The following LRP1 variants were observed in gnomAD, a reference collection of about 807,000 sequenced individuals.
LRP1 encodes prolow-density lipoprotein receptor-related protein 1.
In LRP1, 51 loss-of-function variants were observed where a neutral mutation model predicts 541.5. The ratio of observed to expected loss-of-function variants is 0.09; its 90% CI spans 0.08 to 0.12. LRP1 has a LOEUF of 0.12. Among genes scored for constraint, LRP1 ranks in the 10% least tolerant of loss-of-function variants. The pLI, the probability that LRP1 is intolerant of heterozygous loss-of-function variation, is 1.00. For synonymous variants in LRP1, 2,219 were observed against 2,470.8 expected, an observed-to-expected ratio of 0.90 and a Z score of 3.02; for missense variants, 3,878 against 6,376.2, an observed-to-expected ratio of 0.61 and a Z score of 13.34.
chr12:57,187,754 G>A (rs529176035), intron 42 of LRP1, among the ~76,000 whole-genome samples: 39 of 152,342 alleles, frequency 2.6e-4, no homozygotes, highest in Admixed American at 2.4e-3. Context: ...GAGGCACAGG[G>A]TAGGGCCTCT....
intron 13 of LRP1, 126 bp downstream of exon 13, chr12:57,161,241 G>T (rs954240014): frequency 5.0e-6 from 4 of 802,904 alleles, no homozygotes; most frequent in African/African-American, 3.4e-5. Context: ...CTCTATAGAT[G>T]TGTGCATCTA....
At chr12:57,176,182 A>C in intron 24 of LRP1, 76 bp downstream of exon 24, 1 of 1,467,382 alleles carries the variant, frequency 6.8e-7, no homozygotes. Flanking sequence ...GTCCCATCCA[A>C]GTGGCCCCAA....
chr12:57,198,437 C>G, intron 59 of LRP1, 28 bp from the exon 60 acceptor site: 1 of 1,611,170 alleles, frequency 6.2e-7, no homozygotes, highest in Non-Finnish European at 8.5e-7. Context: ...ACGGGATCTC[C>G]CAGGGCTCAC....
At position 57,145,428 on chromosome 12, in the gene LRP1, G is replaced by T. The variant is rs757759198; in HGVS notation, c.779G>T (p.Arg260Leu). 1.9e-6 allele frequency: 3 copies of T among 1,614,088 alleles called. No homozygotes were observed. The highest frequency in any genetic ancestry group is 2.2e-5 in the East Asian group (1 of 44,882). ...GCTCAGACGCAGCTCAAGTGTGCCC[G>T]CATGCCTGGCCTAAAGGGCTTCGTG... ...SAAQTQLKCARMPGLKGFVDE... is the reference protein window; with the variant it reads ...SAAQTQLKCALMPGLKGFVDE... Residue 260 changes from arginine to leucine, a missense_variant, in exon 6 of 89, where the codon CGC becomes CTC. Physicochemically the swap from Arg to Leu is moderately radical, Grantham distance 102. This residue lies in a region of LRP1 where 293 missense variants were observed against 403.7 expected (regional missense o/e 0.73). Coordinates refer to ENST00000243077, the MANE Select transcript of LRP1 (RefSeq NM_002332.3).
At chr12:57,163,851 C>T (rs1406006420) in intron 15 of LRP1, among the ~76,000 whole-genome samples, 1 of 151,988 alleles carries the variant, frequency 6.6e-6, no homozygotes, top group Admixed American at 6.6e-5. Context: ...GTTTTTTATT[C>T]AAAATGGGTT....
rs759213097 is a variant in LRP1 at position 57,199,292 on chromosome 12, T to G, written c.9757T>G (p.Ser3253Ala). The G allele has an allele frequency of 1.9e-6, 3 of 1,613,670 alleles. No individual in the cohort carries two copies. The African/African-American group carries it at 4.0e-5, about 22-fold the overall frequency. Residue 3253 changes from serine (S) to alanine (A), a missense_variant, in exon 61 of 89, where the codon TCC (serine) becomes GCC (alanine). Ser to Ala is a moderately conservative substitution (Grantham distance 99, BLOSUM62 1). Coordinates refer to ENST00000243077, the MANE Select transcript of LRP1 (RefSeq NM_002332.3). ...YVYWTDWETKSINRAHKTTGT... is the reference protein window; with the variant it reads ...YVYWTDWETKAINRAHKTTGT... The stretch of plus-strand genomic sequence containing the variant: ...CTACTGGACCGACTGGGAAACAAAG[T>G]CCATTAACCGAGCCCACAAGACCAC...
intron 6 of LRP1, chr12:57,148,858 TG>T: frequency 2.1e-6 from 1 of 480,652 alleles, no homozygotes; most frequent in African/African-American, 2.0e-5. Context: ...AGGAGGTGGC[TG>T]GGGAGCTCAG....
At chr12:57,166,823 T>C in intron 17 of LRP1, 107 bp from the exon 18 acceptor site, 1 of 712,196 alleles carries the variant, frequency 1.4e-6, no homozygotes, top group Non-Finnish European at 2.5e-6. Flanking sequence ...GAAATGGTTT[T>C]GGATCCTTGG....
chr12:57,175,851 CG>C lies in LRP1; in HGVS notation c.3794-55del, dbSNP rs2036035452. On this transcript the variant is annotated intron_variant, in intron 23 of 88. Transcript: ENST00000243077. ...CAGCAGAGACCTGCCTGCGCCAGGA[CG>C]GGTGGCACACAGGCAGCTAGCCCCT... The C allele has an allele frequency of 1.9e-6, 3 of 1,596,380 alleles. No homozygotes were observed. The Admixed American group carries it at 5.0e-5, about 27-fold the overall frequency.
chr12:57,195,147 C>G (rs561493636), intron 51 of LRP1, 46 bp downstream of exon 51: 2 of 1,598,314 alleles, frequency 1.3e-6, no homozygotes, highest in African/African-American at 1.3e-5. Flanking sequence ...CAGGGAGGGA[C>G]AGACCCCACC....
chr12:57,175,746 G>A (rs201813585), intron 23 of LRP1, 41 bp downstream of exon 23: 21 of 1,548,660 alleles, frequency 1.4e-5, no homozygotes, highest in Admixed American at 1.8e-5. Context: ...GCCGAGGCAG[G>A]CCTCTGAGCT....
At position 57,162,844 on chromosome 12, in the gene LRP1, G is replaced by A. The variant is rs1313490389; in HGVS notation, c.2405-14G>A. The A allele has an allele frequency of 5.6e-6, 9 of 1,602,226 alleles. No homozygotes were observed. Among genetic ancestry groups the A allele is most frequent in the Non-Finnish European group, 7.7e-6 (9 of 1,174,826 alleles). The stretch of plus-strand genomic sequence containing the variant: ...CTTCCTCCCTTTGCCTTTCCCCATG[G>A]CCCTTCCCCACAGTTGGCACCAACA... On this transcript the variant is annotated splice_polypyrimidine_tract_variant and intron_variant, in intron 14 of 88. Coordinates refer to ENST00000243077, the MANE Select transcript of LRP1 (RefSeq NM_002332.3). The surrounding 1 kb of genome is among the most constrained non-coding windows in gnomAD (Gnocchi z 5.2).
intron 2 of LRP1, among the ~76,000 whole-genome samples, chr12:57,140,777 C>G (rs35422465): frequency 1.5e-3 from 232 of 152,254 alleles, no homozygotes; most frequent in African/African-American, 5.5e-3. Context: ...CTGTCGCCCA[C>G]GCTGGAGTGC....
At chr12:57,157,191 GT>G (rs1268310018) in intron 10 of LRP1, among the ~76,000 whole-genome samples, 6 of 152,246 alleles carry the variant, frequency 3.9e-5, no homozygotes, top group African/African-American at 1.4e-4. Context: ...GTTTGGCACT[GT>G]TCTGGTCATC....
chr12:57,179,643 G>A lies in LRP1; in HGVS notation c.4966+87G>A, dbSNP rs2036121921. 7.0e-7 allele frequency: 1 copy of A among 1,432,264 alleles called. No individual in the cohort carries two copies. The highest frequency in any genetic ancestry group is 9.7e-7 in the Non-Finnish European group (1 of 1,027,218). 88.7% of individuals were successfully genotyped at this position (1,432,264 alleles called of 1,614,324 possible). ...CAACCCTGGTCTACTTGGTCCGAGTGGTCCTTCTCCCAGTCCTGTTCCCCC... is the reference window on the plus strand; with the variant it reads ...CAACCCTGGTCTACTTGGTCCGAGTAGTCCTTCTCCCAGTCCTGTTCCCCC... On this transcript the variant is annotated intron_variant, in intron 29 of 88. Transcript: ENST00000243077. The surrounding 1 kb of genome is among the most constrained non-coding windows in gnomAD (Gnocchi z 6.8).
At position 57,162,268 on chromosome 12, in the gene LRP1, C is replaced by A; in HGVS notation, c.2203-49C>A. 6.8e-7 allele frequency: 1 copy of A among 1,468,128 alleles called. No homozygotes were observed. Among genetic ancestry groups the A allele is most frequent in the Non-Finnish European group, 9.5e-7 (1 of 1,048,260 alleles). 90.9% of individuals were successfully genotyped at this position (1,468,128 alleles called of 1,614,324 possible). The stretch of plus-strand genomic sequence containing the variant: ...TGTACAAAACAGTGATCTCACAGGC[C>A]TCCCTCAATTTTCTTCCAACTCCTT... On this transcript the variant is annotated intron_variant, in intron 13 of 88. Transcript: ENST00000243077. This position sits in a 1 kb window ranked among gnomAD's most constrained non-coding sequence, Gnocchi z 5.2.
intron 33 of LRP1, 137 bp downstream of exon 33, chr12:57,180,944 C>G: frequency 7.5e-7 from 1 of 1,328,538 alleles, no homozygotes; most frequent in Non-Finnish European, 1.0e-6. Flanking sequence ...TCCTTGTTTC[C>G]TTACCACAAA....
intron 82 of LRP1, 48 bp downstream of exon 82, chr12:57,210,528 G>GCCCCCCCCCCCCCC: frequency 6.7e-7 from 1 of 1,483,016 alleles, no homozygotes; most frequent in South Asian, 1.4e-5. Context: ...CTGGGCCCCA[G>GCCCCCCCCCCCCCC]CCCCGCCACC....
In LRP1 at chr12:57,173,359, G is replaced by C. The variant is rs541971952; in HGVS notation, c.3346+9G>C. 2.5e-6 allele frequency: 4 copies of C among 1,611,416 alleles called. No individual in the cohort carries two copies. The South Asian group carries it at 4.4e-5, about 18-fold the overall frequency. On this transcript the variant is annotated intron_variant, in intron 21 of 88. Transcript: ENST00000243077. The surrounding 1 kb of genome is among the most constrained non-coding windows in gnomAD (Gnocchi z 4.7). ...TGGCTGCAAGGACTCAGGTGAAGAG[G>C]ATGGTTGGAGGGCGTCTGGAACAGC... is the stretch of plus-strand genomic sequence containing the variant.
Sources: allele counts gnomAD v4.1 joint callset (sites outside exome capture counted in the v4.1 genomes callset), GRCh38; gene constraint gnomAD v4.1.1; regional missense constraint gnomAD v4.1.1; non-coding constraint Gnocchi (gnomAD v3.1); transcripts MANE v1.5; gene names NCBI Gene and HGNC (gene_info 2026-07-23, HGNC 2026-07-21).